The following SLC22A5 variants were observed in gnomAD, a reference collection of about 807,000 sequenced individuals.
SLC22A5 encodes the protein solute carrier family 22 member 5, also known as organic cation/carnitine transporter 2.
In SLC22A5, 44 loss-of-function variants were observed where a neutral mutation model predicts 56.7. The observed-to-expected ratio is 0.78, with a 90% CI of 0.61 to 1.00. The LOEUF is 1.00. Ranked by LOEUF, SLC22A5 falls within the 50% of genes least tolerant of loss-of-function variation. The pLI is 0.00. For synonymous variants in SLC22A5, 278 were observed against 292.1 expected, an observed-to-expected ratio of 0.95 and a Z score of 0.49; for missense variants, 675 against 723.0, an observed-to-expected ratio of 0.93 and a Z score of 0.76.
intron 1 of SLC22A5, among the ~76,000 whole-genome samples, chr5:132,371,403 A>G (rs2631363): frequency 0.38 from 57,484 of 151,996 alleles, 11,597 homozygotes; most frequent in East Asian, 0.65. Flanking sequence ...CATAGGGTGT[A>G]GGGGAGCCTT....
In SLC22A5 at chr5:132,393,742, C is replaced by T. The variant is rs753704081; in HGVS notation, c.1517C>T (p.Thr506Ile). The stretch of plus-strand genomic sequence containing the variant: ...CTGACCATCCTGACAGCCATCCTCA[C>T]CTTGTTTCTCCCAGAGAGCTTCGGT... Reference protein sequence around the residue: ...GSLTILTAILTLFLPESFGTP... With the variant: ...GSLTILTAILILFLPESFGTP... Residue 506 changes from threonine to isoleucine, a missense_variant, in exon 9 of 10, where the codon ACC becomes ATC. By Grantham distance (89) the Thr-to-Ile change is moderately conservative. Transcript: ENST00000245407. 2 of 1,614,180 alleles carry T rather than the reference C, an allele frequency of 1.2e-6. No homozygotes were observed. The highest frequency in any genetic ancestry group is 1.7e-6 in the Non-Finnish European group (2 of 1,180,016).
In SLC22A5 at chr5:132,391,183, G is replaced by A. The variant is rs80314534; in HGVS notation, c.1267+279G>A. On this transcript the variant is annotated intron_variant, in intron 7 of 9. Coordinates refer to ENST00000245407, the MANE Select transcript of SLC22A5 (RefSeq NM_003060.4). ...TACTGTTTTCCACTGCAGAAGAAGA[G>A]GGAAGAAATAGCTATCCCATTCCTT... is the stretch of plus-strand genomic sequence containing the variant. Among the ~76,000 whole-genome samples the A allele has an allele frequency of 4.2e-3, 646 of 152,288 alleles. 12 individuals are homozygous for A. Among genetic ancestry groups the A allele is most frequent in the East Asian group, 0.037 (191 of 5,188 alleles).
rs1297367229 is a variant in SLC22A5, at chr5:132,370,159, C to A, written c.187C>A (p.Arg63Ser). 6.2e-7 allele frequency: 1 copy of A among 1,607,814 alleles called. No homozygotes were observed. Among genetic ancestry groups the A allele is most frequent in the Non-Finnish European group, 8.5e-7 (1 of 1,177,548 alleles). The change falls in exon 1 of 10, where the codon CGC becomes AGC. Residue 63 changes from arginine (R) to serine (S), a missense_variant. Arg to Ser is a moderately radical substitution (Grantham distance 110). Coordinates refer to ENST00000245407, the MANE Select transcript of SLC22A5 (RefSeq NM_003060.4). The stretch of plus-strand genomic sequence containing the variant: ...CGCCGCGAACCTGAGCAGCGCCTGG[C>A]GCAACCACACTGTCCCACTGCGGCT... ...PDAANLSSAWRNHTVPLRLRD... is the reference protein window; with the variant it reads ...PDAANLSSAWSNHTVPLRLRD...
At chr5:132,384,113 A>G in intron 2 of SLC22A5, 34 bp from the exon 3 acceptor site, 2 of 1,613,170 alleles carry the variant, frequency 1.2e-6, no homozygotes. Context: ...GCCCTTTTCC[A>G]GCTGGTTATC....
At chr5:132,377,887 G>A (rs943765003) in intron 1 of SLC22A5, 6 of 475,616 alleles carry the variant, frequency 1.3e-5, no homozygotes, top group Non-Finnish European at 2.3e-5. Flanking sequence ...GTGGGAACCC[G>A]AGCAGAGCAG....
At chr5:132,377,920 C>T (rs769562889) in intron 1 of SLC22A5, 10 of 580,516 alleles carry the variant, frequency 1.7e-5, no homozygotes, top group Non-Finnish European at 2.7e-5. Flanking sequence ...CACTCTGTGC[C>T]CTGGCCTTAG....
Position 132,378,377 on chromosome 5 carries a change from G to A in SLC22A5, c.394-1G>A. 2 of 1,614,104 alleles carry A rather than the reference G, an allele frequency of 1.2e-6. No individual in the cohort carries two copies. The highest frequency in any genetic ancestry group is 1.7e-6 in the Non-Finnish European group (2 of 1,179,918). ...ATACACCCCCTTTGCTCATCTTGCA[G>A]TGGAACCTGGTGTGTGAGGACGACT... On this transcript the variant is annotated splice_acceptor_variant, in intron 1 of 9. Transcript: ENST00000245407. LOFTEE classifies it high-confidence loss of function.
chr5:132,388,913 T>A lies in SLC22A5; in HGVS notation c.952-8T>A. 1 of 1,585,874 alleles carries A rather than the reference T, an allele frequency of 6.3e-7. No homozygotes were observed. Among genetic ancestry groups the A allele is most frequent in the Non-Finnish European group, 8.7e-7 (1 of 1,154,340 alleles). On this transcript the variant is annotated splice_region_variant and splice_polypyrimidine_tract_variant and intron_variant, in intron 5 of 9. Coordinates refer to ENST00000245407, the MANE Select transcript of SLC22A5 (RefSeq NM_003060.4). The stretch of plus-strand genomic sequence containing the variant: ...TCTTCCCATACACTTATGATGTTGT[T>A]CCTGCAGTTACAAGACCTAAGTTCC...
intron 6 of SLC22A5, chr5:132,390,178 C>T (rs1752653132): frequency 4.8e-6 from 1 of 208,146 alleles, no homozygotes; most frequent in Non-Finnish European, 9.8e-6. Flanking sequence ...TCAGCTGTCT[C>T]TGACCAGCCT....
Position 132,394,227 on chromosome 5 carries a change from AG to A in SLC22A5, c.1630del (p.Asp544MetfsTer57). 6.2e-7 allele frequency: 1 copy of A among 1,613,970 alleles called. No individual in the cohort carries two copies. Among genetic ancestry groups the A allele is most frequent in the Non-Finnish European group, 8.5e-7 (1 of 1,179,766 alleles). On this transcript the variant is annotated frameshift_variant, in exon 10 of 10. Coordinates refer to ENST00000245407, the MANE Select transcript of SLC22A5 (RefSeq NM_003060.4). LOFTEE classifies it high-confidence loss of function. Reference sequence around the variant, plus strand: ...CTCCAAGTCACACAAGGATGTTAAAAGATGGTCAAGAAAGGCCCACAATCCT... The same window carrying A: ...CTCCAAGTCACACAAGGATGTTAAAAATGGTCAAGAAAGGCCCACAATCCT... ...KTPSHTRMLK[D>X]GQERPTILKS...
In SLC22A5 at chr5:132,378,496, T is replaced by C; in HGVS notation, c.497+15T>C. The stretch of plus-strand genomic sequence containing the variant: ...CTGTCAGACAGGTAAGGTGTCTGTC[T>C]TCTGGAGCACCAGGGGACCTCAGCA... On this transcript the variant is annotated intron_variant, in intron 2 of 9. Coordinates refer to ENST00000245407, the MANE Select transcript of SLC22A5 (RefSeq NM_003060.4). The C allele has an allele frequency of 6.3e-7, 1 of 1,584,598 alleles. No individual in the cohort carries two copies. The highest frequency in any genetic ancestry group is 8.7e-7 in the Non-Finnish European group (1 of 1,153,076).
rs1038457401 is a variant in SLC22A5, at chr5:132,376,445, G to A, written c.394-1933G>A. ...TGCTCTGGGGCCTATCTCAAAATGA[G>A]CACTATAGTCACCCTGTCCCCTGCA... On this transcript the variant is annotated intron_variant, in intron 1 of 9. Transcript: ENST00000245407. 2.0e-5 allele frequency: 3 copies of A among 152,236 alleles called. 1 individual carries two copies. The highest frequency in any genetic ancestry group is 4.8e-5 in the African/African-American group (2 of 41,428). The allele number at this position is 152,236 out of a possible 1,614,324, so 9.4% of individuals were successfully genotyped here. A position where few individuals can be genotyped will look rare whatever the true frequency, so the allele number is the denominator to read the frequency against.
Position 132,394,244 on chromosome 5 carries a change from C to G in SLC22A5, c.1646C>G (p.Pro549Arg), listed in dbSNP as rs780575908. Reference sequence around the variant, plus strand: ...ATGTTAAAAGATGGTCAAGAAAGGCCCACAATCCTTAAAAGCACAGCCTTC... The same window carrying G: ...ATGTTAAAAGATGGTCAAGAAAGGCGCACAATCCTTAAAAGCACAGCCTTC... Reference protein sequence around the residue: ...TRMLKDGQERPTILKSTAF With the variant: ...TRMLKDGQERRTILKSTAF Residue 549 changes from proline (P) to arginine (R), a missense_variant, in exon 10 of 10, where the codon CCC becomes CGC. Pro to Arg is a moderately radical substitution (Grantham distance 103). Coordinates refer to ENST00000245407, the MANE Select transcript of SLC22A5 (RefSeq NM_003060.4). The G allele has an allele frequency of 5.6e-6, 9 of 1,612,952 alleles. No homozygotes were observed. Among genetic ancestry groups the G allele is most frequent in the Middle Eastern group, 1.6e-4 (1 of 6,084 alleles).
rs1320356148 is a variant in SLC22A5 at position 132,388,860 on chromosome 5, T to G, written c.952-61T>G. On this transcript the variant is annotated intron_variant, in intron 5 of 9. Coordinates refer to ENST00000245407, the MANE Select transcript of SLC22A5 (RefSeq NM_003060.4). Reference sequence around the variant, plus strand: ...GATGCCAGGGATTCAAGTATGTTATTGTGTGCTCTGAGTCTCTGACCACCT... The same window carrying G: ...GATGCCAGGGATTCAAGTATGTTATGGTGTGCTCTGAGTCTCTGACCACCT... The G allele has an allele frequency of 9.7e-6, 10 of 1,030,484 alleles. No homozygotes were observed. In the East Asian group the frequency reaches 2.4e-4, roughly 24 times the overall value. The allele number at this position is 1,030,484 out of a possible 1,614,324, so 63.8% of individuals were successfully genotyped here.
Position 132,394,420 on chromosome 5 carries a change from C to A in SLC22A5, c.*148C>A. On this transcript the variant is annotated 3_prime_UTR_variant, in exon 10 of 10. Coordinates refer to ENST00000245407, the MANE Select transcript of SLC22A5 (RefSeq NM_003060.4). ...TCTGACTTGCTCCTGGATGGGCACCCACACTCAGAGGCTACATATGGCCCT... is the reference window on the plus strand; with the variant it reads ...TCTGACTTGCTCCTGGATGGGCACCAACACTCAGAGGCTACATATGGCCCT... 2 of 729,286 alleles carry A rather than the reference C, an allele frequency of 2.7e-6. No homozygotes were observed. Among genetic ancestry groups the A allele is most frequent in the Non-Finnish European group, 5.0e-6 (2 of 398,948 alleles). The allele number at this position is 729,286 out of a possible 1,614,324, so 45.2% of individuals were successfully genotyped here.
intron 1 of SLC22A5, among the ~76,000 whole-genome samples, chr5:132,370,953 CTTT>C (rs750736082): frequency 1.5e-5 from 2 of 133,780 alleles, no homozygotes; most frequent in African/African-American, 5.4e-5. Flanking sequence ...AGTTGTCAGT[CTTT>C]TTTTTTTTTG....
intron 1 of SLC22A5, 140 bp from the exon 2 acceptor site, chr5:132,378,238 G>A: frequency 6.2e-7 from 1 of 1,613,986 alleles, no homozygotes; most frequent in Non-Finnish European, 8.5e-7. Flanking sequence ...CTGCCCAGGT[G>A]AGCCATCACC....
intron 2 of SLC22A5, chr5:132,383,716 G>A (rs184376826): frequency 8.4e-6 from 2 of 237,396 alleles, no homozygotes; most frequent in Admixed American, 1.0e-4. Flanking sequence ...TCTATTATTG[G>A]TTGCTGTTCA....
intron 2 of SLC22A5, chr5:132,380,531 A>C (rs183073755): frequency 1.3e-5 from 2 of 152,316 alleles, no homozygotes; most frequent in East Asian, 3.9e-4. Flanking sequence ...AGGTTGTCAC[A>C]GTAGTTCATG....
Sources: gnomAD v4.1 joint callset for allele counts (sites outside exome capture counted in the v4.1 genomes callset) on GRCh38, gnomAD v4.1.1 for gene constraint, MANE v1.5 for transcripts, NCBI Gene and HGNC (gene_info 2026-07-23, HGNC 2026-07-21) for gene names.